Variants in TLL1 observed in about 807,000 individuals in gnomAD.
TLL1 encodes tolloid-like protein 1.
A neutral mutation model predicts 128.2 loss-of-function variants in TLL1; 49 were observed. The observed-to-expected ratio is 0.38, with a 90% CI of 0.30 to 0.48. TLL1 has a LOEUF of 0.48. TLL1 is among the 20% of genes least tolerant of loss of function. The probability of loss-of-function intolerance (pLI) is 0.96; values close to 1 mark genes in which losing one functional copy is unlikely to be tolerated. For synonymous variants in TLL1, 454 were observed against 418.8 expected, an observed-to-expected ratio of 1.08 and a Z score of -1.03; for missense variants, 1,123 against 1,242.0, an observed-to-expected ratio of 0.90 and a Z score of 1.44.
chr4:165,957,651 C>T lies in TLL1; in HGVS notation c.170-31730C>T, dbSNP rs547957448. Among the ~76,000 whole-genome samples the T allele has an allele frequency of 4.0e-5, 6 of 151,444 alleles. No homozygotes were observed. The South Asian group carries it at 8.4e-4, about 21-fold the overall frequency. On this transcript the variant is annotated intron_variant, in intron 1 of 20. Transcript: ENST00000061240. ...ACCATATTTGTAGACTTTTATCGCT[C>T]GTCCCCATCCTACTCTTCCACCCAA...
chr4:165,967,545 G>T (rs375819458), intron 1 of TLL1, among the ~76,000 whole-genome samples: 9 of 152,328 alleles, frequency 5.9e-5, no homozygotes, highest in Admixed American at 1.3e-4. Context: ...TCCGTTTGGG[G>T]TTCCTGACTG....
At chr4:165,932,912 T>C (rs1227389968) in intron 1 of TLL1, among the ~76,000 whole-genome samples, 1 of 152,214 alleles carries the variant, frequency 6.6e-6, no homozygotes, top group Non-Finnish European at 1.5e-5. Flanking sequence ...AAATTCCAGT[T>C]GGATATAATA....
Position 165,966,864 on chromosome 4 carries a change from C to T in TLL1, c.170-22517C>T, listed in dbSNP as rs566017797. Among the ~76,000 whole-genome samples the T allele has an allele frequency of 1.4e-4, 22 of 152,226 alleles. No homozygotes were observed. The South Asian group carries it at 2.7e-3, about 19-fold the overall frequency. On this transcript the variant is annotated intron_variant, in intron 1 of 20. Coordinates refer to ENST00000061240, the MANE Select transcript of TLL1 (RefSeq NM_012464.5). ...ATGAAGTTTTATGTCCCACTGGGCA[C>T]GCATTATCATTGTTAAGATCTTATC...
chr4:166,017,934 C>A (rs1738028261), intron 8 of TLL1, among the ~76,000 whole-genome samples: 1 of 152,100 alleles, frequency 6.6e-6, no homozygotes, highest in South Asian at 2.1e-4. Flanking sequence ...TACACTGATG[C>A]AGTAGGTTTA....
chr4:165,977,205 C>T (rs72972277), intron 1 of TLL1, among the ~76,000 whole-genome samples: 12,100 of 152,126 alleles, frequency 0.08, 1,583 homozygotes, highest in African/African-American at 0.27. Context: ...CTCCACATGT[C>T]GAGGGCAGAA....
At chr4:165,995,202 G>T in intron 5 of TLL1, 24 bp downstream of exon 5, 2 of 1,505,698 alleles carry the variant, frequency 1.3e-6, no homozygotes, top group South Asian at 2.3e-5. Context: ...GGTAGGGACT[G>T]ACTTAAGGAA....
intron 6 of TLL1, among the ~76,000 whole-genome samples, 160 bp from the exon 7 acceptor site, chr4:166,007,783 A>G (rs1302875890): frequency 6.6e-6 from 1 of 151,690 alleles, no homozygotes; most frequent in Non-Finnish European, 1.5e-5. Flanking sequence ...GGTAGAGTGA[A>G]GACAGATGCT....
chr4:165,920,161 C>A (rs1488355185), intron 1 of TLL1, among the ~76,000 whole-genome samples: 1 of 152,158 alleles, frequency 6.6e-6, no homozygotes, highest in Admixed American at 6.5e-5. Context: ...TTGATATTTT[C>A]AATTCCATGA....
At chr4:165,886,285 G>A (rs1273625514) in intron 1 of TLL1, among the ~76,000 whole-genome samples, 2 of 152,096 alleles carry the variant, frequency 1.3e-5, no homozygotes, top group Non-Finnish European at 2.9e-5. Context: ...TCACACATTT[G>A]TAATGTGGGG....
At chr4:165,876,812 A>G (rs185097671) in intron 1 of TLL1, among the ~76,000 whole-genome samples, 28 of 152,302 alleles carry the variant, frequency 1.8e-4, no homozygotes, top group African/African-American at 6.3e-4. Context: ...TAACAATAGA[A>G]ATTAGTCCAG....
At chr4:166,078,802 A>G (rs1379717677) in intron 18 of TLL1, among the ~76,000 whole-genome samples, 1 of 152,190 alleles carries the variant, frequency 6.6e-6, no homozygotes, top group Non-Finnish European at 1.5e-5. Flanking sequence ...AAGGCTCAGG[A>G]AAGAGCCTAG....
chr4:166,015,837 G>A (rs1737911603), intron 8 of TLL1, among the ~76,000 whole-genome samples: 1 of 150,090 alleles, frequency 6.7e-6, no homozygotes, highest in African/African-American at 2.4e-5. Flanking sequence ...GATTTGCTAA[G>A]GAAAATTGTA....
intron 4 of TLL1, 100 bp from the exon 5 acceptor site, chr4:165,994,961 G>T: frequency 1.1e-6 from 1 of 875,236 alleles, no homozygotes. Context: ...GATAGTGGTG[G>T]CATTCTGCAC....
chr4:165,936,593 T>C (rs753349755), intron 1 of TLL1, among the ~76,000 whole-genome samples: 30 of 152,340 alleles, frequency 2.0e-4, no homozygotes, highest in Non-Finnish European at 3.7e-4. Context: ...TATACATATG[T>C]AACTGTATAC....
chr4:165,951,142 A>T (rs1360913406), intron 1 of TLL1, among the ~76,000 whole-genome samples: 1 of 152,186 alleles, frequency 6.6e-6, no homozygotes, highest in East Asian at 1.9e-4. Flanking sequence ...CATTTGAAAG[A>T]CTAGATGAAA....
intron 1 of TLL1, among the ~76,000 whole-genome samples, chr4:165,880,753 T>A (rs138494969): frequency 6.6e-6 from 1 of 152,184 alleles, no homozygotes; most frequent in African/African-American, 2.4e-5. Flanking sequence ...ATTTGTGTGA[T>A]GAGGGAGGCA....
At chr4:166,086,671 T>G (rs1390087316) in intron 18 of TLL1, among the ~76,000 whole-genome samples, 1 of 152,108 alleles carries the variant, frequency 6.6e-6, no homozygotes, top group African/African-American at 2.4e-5. Context: ...AGCCCTTGAA[T>G]GTAACTTTCG....
At chr4:166,031,559 G>C (rs1036459665) in intron 9 of TLL1, among the ~76,000 whole-genome samples, 5 of 151,720 alleles carry the variant, frequency 3.3e-5, no homozygotes, top group Non-Finnish European at 5.9e-5. Flanking sequence ...GTAGGGACAG[G>C]GTTTCACCAT....
At chr4:166,075,686 C>T (rs1490711477) in intron 17 of TLL1, among the ~76,000 whole-genome samples, 5 of 152,150 alleles carry the variant, frequency 3.3e-5, no homozygotes, top group Admixed American at 6.5e-5. Context: ...AGTCTGTTCC[C>T]GAATTTTCTA....
Sources: allele counts gnomAD v4.1 joint callset (sites outside exome capture counted in the v4.1 genomes callset), GRCh38; gene constraint gnomAD v4.1.1; transcripts MANE v1.5; gene names NCBI Gene and HGNC (gene_info 2026-07-23, HGNC 2026-07-21).